CCNY: variants seen among roughly 807,000 people sequenced by gnomAD.
CCNY encodes the protein cyclin Y.
CCNY carries 19 observed loss-of-function variants against 42.8 expected under a neutral mutation model. That is an observed-to-expected ratio of 0.44 (90% CI 0.31 to 0.65). The LOEUF is 0.65. CCNY is among the 30% of genes least tolerant of loss of function. The probability of loss-of-function intolerance (pLI) is 0.07; values close to 1 mark genes in which losing one functional copy is unlikely to be tolerated. For synonymous variants in CCNY, 165 were observed against 162.7 expected, an observed-to-expected ratio of 1.01 and a Z score of -0.11; for missense variants, 370 against 437.3, an observed-to-expected ratio of 0.85 and a Z score of 1.37.
At chr10:35,407,994 A>C (rs1490502104) in intron 1 of CCNY, among the ~76,000 whole-genome samples, 2 of 152,212 alleles carry the variant, frequency 1.3e-5, no homozygotes, top group African/African-American at 2.4e-5. Context: ...GTTTTGGGTC[A>C]ATGGATAAAA....
At chr10:35,472,972 G>A (rs1186491910) in intron 1 of CCNY, among the ~76,000 whole-genome samples, 1 of 152,082 alleles carries the variant, frequency 6.6e-6, no homozygotes, top group East Asian at 1.9e-4. Context: ...CCATTTAACT[G>A]AATTCAACGG....
Position 35,461,164 on chromosome 10 carries a change from T to A in CCNY, c.155-22240T>A, listed in dbSNP as rs375848019. Among the ~76,000 whole-genome samples the A allele has an allele frequency of 3.4e-4, 51 of 152,052 alleles. 1 individual carries two copies. Among genetic ancestry groups the A allele is most frequent in the African/African-American group, 1.2e-3 (51 of 41,468 alleles). On this transcript the variant is annotated intron_variant, in intron 1 of 9. Coordinates refer to ENST00000374704, the MANE Select transcript of CCNY (RefSeq NM_145012.6). ...CACTTTCCATATCCTGTGCCTGAGG[T>A]TTGGTTGTGTTAAAGAGAAAATTAT...
intron 1 of CCNY, among the ~76,000 whole-genome samples, chr10:35,355,033 C>T (rs574555569): frequency 6.6e-6 from 1 of 152,252 alleles, no homozygotes; most frequent in African/African-American, 2.4e-5. Flanking sequence ...ATTTCTGTGT[C>T]CCAGGAGAGA....
At chr10:35,272,293 T>G (rs541415953) in intron 3 of CCNY, among the ~76,000 whole-genome samples, 1 of 152,148 alleles carries the variant, frequency 6.6e-6, no homozygotes, top group African/African-American at 2.4e-5. Context: ...GGCCTTTTTT[T>G]TTTTTTTTAA....
At chr10:35,451,738 G>T (rs1176009219) in intron 1 of CCNY, among the ~76,000 whole-genome samples, 1 of 152,190 alleles carries the variant, frequency 6.6e-6, no homozygotes, top group Non-Finnish European at 1.5e-5. Context: ...CTGTTAACCA[G>T]GGCAGGCTCG....
At chr10:35,335,364 G>A (rs556575106), upstream of CCNY, among the ~76,000 whole-genome samples, 76 of 152,218 alleles carry the variant, frequency 5.0e-4, no homozygotes, top group African/African-American at 1.8e-3. Context: ...CAGTCGATGA[G>A]TTGTGTTAAC....
chr10:35,409,926 A>G (rs1465128540), intron 1 of CCNY, among the ~76,000 whole-genome samples: 1 of 151,672 alleles, frequency 6.6e-6, no homozygotes, highest in African/African-American at 2.4e-5. Flanking sequence ...TATTTTTTGT[A>G]GAGACAGGGT....
At chr10:35,300,722 C>T (rs1460462662) in intron 3 of CCNY, among the ~76,000 whole-genome samples, 2 of 152,148 alleles carry the variant, frequency 1.3e-5, no homozygotes, top group Non-Finnish European at 2.9e-5. Flanking sequence ...AGAGCATTTT[C>T]AAAGTAAATA....
chr10:35,264,914 C>T (rs1053319557), intron 3 of CCNY, among the ~76,000 whole-genome samples: 1 of 152,134 alleles, frequency 6.6e-6, no homozygotes, highest in African/African-American at 2.4e-5. Flanking sequence ...CAGGCCTGAG[C>T]CACCGCGCCC....
intron 1 of CCNY, among the ~76,000 whole-genome samples, chr10:35,385,953 A>G (rs954430015): frequency 1.3e-5 from 2 of 152,186 alleles, no homozygotes; most frequent in Non-Finnish European, 2.9e-5. Flanking sequence ...GTCACTACAT[A>G]TCTGTCCTAA....
At chr10:35,258,116 G>A (rs921114543) in intron 3 of CCNY, among the ~76,000 whole-genome samples, 6 of 152,024 alleles carry the variant, frequency 3.9e-5, no homozygotes, top group African/African-American at 7.2e-5. Context: ...AGCCAAAATC[G>A]TGCCACTGCA....
At position 35,362,395 on chromosome 10, in the gene CCNY, C is replaced by T. The variant is rs185525917; in HGVS notation, c.154+25188C>T. On this transcript the variant is annotated intron_variant, in intron 1 of 9. Coordinates refer to ENST00000374704, the MANE Select transcript of CCNY (RefSeq NM_145012.6). ...GGTTGGGTGGTTCTTGCAAATAGAA[C>T]ATTTCTGGCAGTAGGGAAGGCAGTA... Among the ~76,000 whole-genome samples, 23 of 152,236 alleles carry T rather than the reference C, an allele frequency of 1.5e-4. No homozygotes were observed. In the East Asian group the frequency reaches 3.7e-3, roughly 24 times the overall value.
chr10:35,507,939 C>CGAA (rs1840248041), intron 3 of CCNY, among the ~76,000 whole-genome samples: 1 of 152,134 alleles, frequency 6.6e-6, no homozygotes, highest in African/African-American at 2.4e-5. Flanking sequence ...GCAGTTTCAT[C>CGAA]TGACTCTTGT....
chr10:35,253,521 T>C (rs945806754), intron 3 of CCNY, among the ~76,000 whole-genome samples: 1 of 143,994 alleles, frequency 6.9e-6, no homozygotes, highest in African/African-American at 2.6e-5. Flanking sequence ...TAAGCCATCC[T>C]CCCACCTTGA....
At chr10:35,498,780 G>C (rs144606209) in intron 2 of CCNY, among the ~76,000 whole-genome samples, 2 of 152,326 alleles carry the variant, frequency 1.3e-5, no homozygotes, top group Non-Finnish European at 2.9e-5. Flanking sequence ...GACTTCATCT[G>C]CCAAAGACCC....
chr10:35,395,716 C>T (rs918091803), intron 1 of CCNY, among the ~76,000 whole-genome samples: 1 of 152,200 alleles, frequency 6.6e-6, no homozygotes, highest in African/African-American at 2.4e-5. Context: ...AGCAGTCCGA[C>T]TAAAGTTTGG....
At chr10:35,471,949 A>G (rs1257382569) in intron 1 of CCNY, among the ~76,000 whole-genome samples, 2 of 152,238 alleles carry the variant, frequency 1.3e-5, no homozygotes, top group East Asian at 3.8e-4. Context: ...GGAGTATGCA[A>G]CACCAAACTT....
intron 8 of CCNY, among the ~76,000 whole-genome samples, chr10:35,555,859 C>T (rs1034653465): frequency 4.2e-4 from 64 of 152,060 alleles, no homozygotes; most frequent in African/African-American, 1.4e-3. Flanking sequence ...TTTTGATGGG[C>T]AGTCAATATC....
chr10:35,516,688 T>TTTTTTTTTTTC (rs1554797218), intron 4 of CCNY, 65 bp downstream of exon 4: 2 of 829,388 alleles, frequency 2.4e-6, no homozygotes, highest in African/African-American at 3.9e-5. Context: ...TTTTTTTTTT[T>TTTTTTTTTTTC]ACTTAACTGA....
Sources: gnomAD v4.1 joint callset for allele counts (sites outside exome capture counted in the v4.1 genomes callset) on GRCh38, gnomAD v4.1.1 for gene constraint, MANE v1.5 for transcripts, NCBI Gene and HGNC (gene_info 2026-07-23, HGNC 2026-07-21) for gene names.